The following CDH4 variants were observed in gnomAD, a reference collection of about 807,000 sequenced individuals.
The protein encoded by CDH4 is cadherin-4.
In CDH4, 33 loss-of-function variants were observed where a neutral mutation model predicts 86.0. That is an observed-to-expected ratio of 0.38 (90% confidence interval 0.29 to 0.51). CDH4 has a LOEUF of 0.51. Ranked by LOEUF, CDH4 falls within the 20% of genes least tolerant of loss-of-function variation. The pLI, the probability that CDH4 is intolerant of heterozygous loss-of-function variation, is 0.86. For missense variants in CDH4, 1,114 were observed against 1,307.4 expected (o/e 0.85, Z 2.28); for synonymous variants, 555 against 549.4 (o/e 1.01, Z -0.14).
intron 4 of CDH4, among the ~76,000 whole-genome samples, chr20:61,776,342 C>T (rs2088842851): frequency 6.6e-6 from 1 of 152,194 alleles, no homozygotes; most frequent in South Asian, 2.1e-4. Context: ...TGCTGCTGAC[C>T]TTTCTAAACT....
At chr20:61,414,700 G>A (rs147952876) in intron 2 of CDH4, among the ~76,000 whole-genome samples, 2 of 152,338 alleles carry the variant, frequency 1.3e-5, no homozygotes, top group Non-Finnish European at 2.9e-5. Flanking sequence ...CCTTAGGGCA[G>A]AAATTAATGT....
intron 2 of CDH4, chr20:61,435,862 G>A (rs2085278543): frequency 6.7e-6 from 1 of 149,270 alleles, no homozygotes; most frequent in Non-Finnish European, 1.5e-5. Context: ...TGGGTGTGGG[G>A]AGCATCCTGT....
chr20:61,392,533 G>A lies in CDH4; in HGVS notation c.169+137596G>A, dbSNP rs377082397. Among the ~76,000 whole-genome samples, 2 of 152,162 alleles carry A rather than the reference G, an allele frequency of 1.3e-5. No homozygotes were observed. Among genetic ancestry groups the A allele is most frequent in the South Asian group, 4.1e-4 (2 of 4,822 alleles). On this transcript the variant is annotated intron_variant, in intron 2 of 15. Coordinates refer to ENST00000614565, the MANE Select transcript of CDH4 (RefSeq NM_001794.5). The surrounding 1 kb of genome is among the most constrained non-coding windows in gnomAD (Gnocchi z 5.7). Reference sequence around the variant, plus strand: ...TTATCTTATGACAGTGCTTGTCATGGCCTTGAGTATTTATTGAGTAGTTTC... The same window carrying A: ...TTATCTTATGACAGTGCTTGTCATGACCTTGAGTATTTATTGAGTAGTTTC...
intron 2 of CDH4, among the ~76,000 whole-genome samples, chr20:61,565,732 G>A (rs796167528): frequency 2.0e-5 from 3 of 152,294 alleles, no homozygotes; most frequent in African/African-American, 7.2e-5. Flanking sequence ...CACAATGCAG[G>A]GAAAGGCTCC....
chr20:61,586,599 G>GCATTTGATCCTT (rs1266823585), intron 2 of CDH4, among the ~76,000 whole-genome samples: 1 of 152,222 alleles, frequency 6.6e-6, no homozygotes, highest in Non-Finnish European at 1.5e-5. Context: ...AAATTAAGCA[G>GCATTTGATCCTT]CATTTGATCC....
At chr20:61,355,859 T>C (rs2084746819) in intron 2 of CDH4, among the ~76,000 whole-genome samples, 1 of 152,218 alleles carries the variant, frequency 6.6e-6, no homozygotes, top group African/African-American at 2.4e-5. Context: ...CTATGCTCTA[T>C]GCTTGAAAAA....
chr20:61,744,221 A>G (rs962058148), intron 3 of CDH4, among the ~76,000 whole-genome samples: 2 of 152,082 alleles, frequency 1.3e-5, no homozygotes, highest in Non-Finnish European at 2.9e-5. Flanking sequence ...AGCCAACCAG[A>G]GAGTGGGGAG....
Position 61,773,156 on chromosome 20 carries a change from G to A in CDH4, c.550G>A (p.Gly184Arg). 1 of 1,589,992 alleles carries A rather than the reference G, an allele frequency of 6.3e-7. No individual in the cohort carries two copies. The change falls in exon 4 of 16, where the codon GGG (glycine) becomes AGG (arginine). Residue 184 changes from glycine (G) to arginine (R), a missense_variant. Gly to Arg is a moderately radical substitution (Grantham distance 125, BLOSUM62 -2). Coordinates refer to ENST00000614565, the MANE Select transcript of CDH4 (RefSeq NM_001794.5). The part of the protein sequence containing the change: ...PPINVPENSR[G>R]PFPQQLVRIR... Reference sequence around the variant, plus strand: ...CATCAACGTGCCCGAGAACTCGCGCGGGCCCTTCCCGCAGCAGCTCGTGAG... The same window carrying A: ...CATCAACGTGCCCGAGAACTCGCGCAGGCCCTTCCCGCAGCAGCTCGTGAG...
intron 4 of CDH4, among the ~76,000 whole-genome samples, chr20:61,799,597 G>T (rs557368942): frequency 6.6e-6 from 1 of 152,172 alleles, no homozygotes; most frequent in Non-Finnish European, 1.5e-5. Flanking sequence ...GTCCTGGGCT[G>T]CTCCTCCCCA....
intron 2 of CDH4, among the ~76,000 whole-genome samples, chr20:61,545,796 G>T (rs185199888): frequency 6.6e-6 from 1 of 151,704 alleles, no homozygotes; most frequent in Admixed American, 6.6e-5. Context: ...TGTTTGGGGG[G>T]TATGTGGGAT....
At chr20:61,872,031 G>T (rs1376633851) in intron 6 of CDH4, among the ~76,000 whole-genome samples, 1 of 152,182 alleles carries the variant, frequency 6.6e-6, no homozygotes, top group Non-Finnish European at 1.5e-5. Context: ...GGAGGGCGAG[G>T]TGGGGGAGGG....
chr20:61,525,507 G>A (rs2085903347), intron 2 of CDH4, among the ~76,000 whole-genome samples: 1 of 152,122 alleles, frequency 6.6e-6, no homozygotes, highest in Non-Finnish European at 1.5e-5. Flanking sequence ...GTGAACCCAG[G>A]AAGTGTTGCC....
intron 2 of CDH4, among the ~76,000 whole-genome samples, chr20:61,341,573 C>T (rs1479685955): frequency 6.8e-6 from 1 of 146,178 alleles, no homozygotes; most frequent in Non-Finnish European, 1.5e-5. Flanking sequence ...AGTTTGAGAT[C>T]ATGATTTTTA....
intron 2 of CDH4, among the ~76,000 whole-genome samples, chr20:61,522,233 G>A (rs1393445395): frequency 6.6e-6 from 1 of 152,142 alleles, no homozygotes; most frequent in Non-Finnish European, 1.5e-5. Context: ...CTCACCCCTA[G>A]CTTAGCCCCG....
intron 2 of CDH4, among the ~76,000 whole-genome samples, chr20:61,656,552 C>T (rs1170749265): frequency 6.6e-6 from 1 of 152,104 alleles, no homozygotes; most frequent in Non-Finnish European, 1.5e-5. Flanking sequence ...GGGGCGCAGC[C>T]TCCCCTGGCT....
chr20:61,872,213 G>T (rs59909034), intron 6 of CDH4, among the ~76,000 whole-genome samples: 4,317 of 152,294 alleles, frequency 0.028, 188 homozygotes, highest in African/African-American at 0.098. Context: ...GGACAGCATG[G>T]ACCCAGCCCC....
At chr20:61,734,458 C>T (rs1056073865) in intron 2 of CDH4, among the ~76,000 whole-genome samples, 9 of 152,342 alleles carry the variant, frequency 5.9e-5, no homozygotes, top group East Asian at 1.9e-4. Flanking sequence ...CGTGGCAGTG[C>T]GCTTGTGACA....
intron 2 of CDH4, among the ~76,000 whole-genome samples, chr20:61,664,271 T>C (rs572824560): frequency 6.6e-6 from 1 of 152,212 alleles, no homozygotes; most frequent in Non-Finnish European, 1.5e-5. Context: ...GTCACCTGCC[T>C]CTTGACATCC....
chr20:61,462,644 G>A (rs1424215457), intron 2 of CDH4, among the ~76,000 whole-genome samples: 2 of 152,052 alleles, frequency 1.3e-5, no homozygotes, highest in Middle Eastern at 3.2e-3. Flanking sequence ...TGCCATGCCT[G>A]GGAGGACACT....
Sources: gnomAD v4.1 joint callset for allele counts (sites outside exome capture counted in the v4.1 genomes callset) on GRCh38, gnomAD v4.1.1 for gene constraint, Gnocchi (gnomAD v3.1) non-coding constraint, MANE v1.5 for transcripts, NCBI Gene and HGNC (gene_info 2026-07-23, HGNC 2026-07-21) for gene names.